The following PTPRD variants were observed in gnomAD, a reference collection of about 807,000 sequenced individuals.
PTPRD encodes the protein receptor-type tyrosine-protein phosphatase delta.
In PTPRD, 34 loss-of-function variants were observed where a neutral mutation model predicts 214.5. The observed-to-expected ratio is 0.16, with a 90% CI of 0.12 to 0.21. The LOEUF (loss-of-function observed/expected upper bound fraction) is 0.21, where lower values mean the gene tolerates loss of function less well. Ranked by LOEUF, PTPRD falls within the 10% of genes least tolerant of loss-of-function variation. PTPRD has a pLI of 1.00. For missense variants in PTPRD, 2,545 were observed against 2,398.7 expected, an observed-to-expected ratio of 1.06 and a Z score of -1.27; for synonymous variants, 1,128 against 845.7, an observed-to-expected ratio of 1.33 and a Z score of -5.79.
At chr9:10,225,013 T>C (rs906437186) in intron 3 of PTPRD, among the ~76,000 whole-genome samples, 16 of 152,142 alleles carry the variant, frequency 1.1e-4, no homozygotes, top group Non-Finnish European at 2.1e-4. Context: ...AGTTAAGCTT[T>C]TGGGGAGCCA....
intron 7 of PTPRD, among the ~76,000 whole-genome samples, chr9:9,710,451 T>G (rs572882430): frequency 1.0e-3 from 157 of 152,178 alleles, no homozygotes; most frequent in African/African-American, 3.5e-3. Context: ...ATTCAATTCA[T>G]GGTAAATATG....
chr9:8,483,429 T>A (rs2096929902), intron 30 of PTPRD, among the ~76,000 whole-genome samples: 1 of 152,190 alleles, frequency 6.6e-6, no homozygotes, highest in South Asian at 2.1e-4. Context: ...TAATCACCTA[T>A]TCACCTTATT....
At chr9:10,387,286 C>T (rs577631642) in intron 2 of PTPRD, among the ~76,000 whole-genome samples, 2 of 151,846 alleles carry the variant, frequency 1.3e-5, no homozygotes, top group Non-Finnish European at 2.9e-5. Flanking sequence ...ATGCCTGTGT[C>T]TTTTCAGTGA....
At chr9:8,547,127 A>T (rs1355994227) in intron 14 of PTPRD, among the ~76,000 whole-genome samples, 1 of 152,198 alleles carries the variant, frequency 6.6e-6, no homozygotes, top group Non-Finnish European at 1.5e-5. Flanking sequence ...TGTAGATACA[A>T]CCTTTTAAAA....
intron 4 of PTPRD, among the ~76,000 whole-genome samples, chr9:9,989,016 CA>C (rs397836899): frequency 6.8e-3 from 248 of 36,216 alleles, no homozygotes; most frequent in African/African-American, 0.017. Context: ...TTTCACTGAC[CA>C]AAAAAAAAAA....
intron 5 of PTPRD, among the ~76,000 whole-genome samples, chr9:9,816,081 T>C (rs1259258851): frequency 6.6e-6 from 1 of 152,176 alleles, no homozygotes; most frequent in East Asian, 1.9e-4. Flanking sequence ...CATTTTACAA[T>C]ATATTCACCT....
At chr9:9,861,413 C>G (rs2062750289) in intron 5 of PTPRD, among the ~76,000 whole-genome samples, 1 of 152,162 alleles carries the variant, frequency 6.6e-6, no homozygotes, top group South Asian at 2.1e-4. Flanking sequence ...GCCTCAGCCT[C>G]CCGAGTAGCT....
chr9:10,243,885 T>A (rs62539728), intron 3 of PTPRD, among the ~76,000 whole-genome samples: 82,609 of 151,574 alleles, frequency 0.55, 24,052 homozygotes, highest in East Asian at 0.73. Flanking sequence ...TTTTTTTCTG[T>A]CCAGAATCAG....
chr9:8,733,891 C>G lies in PTPRD; in HGVS notation c.-48G>C, dbSNP rs2154434957. ...CGCGAGCAGCTTGGAATCACTGCCT[C>G]CGGAGCCGCAGCGAGTCTGTCCGAT... On this transcript the variant is annotated 5_prime_UTR_variant, in exon 12 of 46. Coordinates refer to ENST00000381196, the MANE Select transcript of PTPRD (RefSeq NM_002839.4). The G allele has an allele frequency of 6.5e-7, 1 of 1,535,522 alleles. No individual in the cohort carries two copies. The highest frequency in any genetic ancestry group is 8.8e-7 in the Non-Finnish European group (1 of 1,136,552).
intron 14 of PTPRD, among the ~76,000 whole-genome samples, chr9:8,564,651 G>T (rs140439447): frequency 0.019 from 2,934 of 152,244 alleles, 94 homozygotes; most frequent in East Asian, 0.058. Context: ...AGTGAGCCAA[G>T]ATCGTGCCAC....
At chr9:9,190,808 T>C (rs2099934665) in intron 9 of PTPRD, among the ~76,000 whole-genome samples, 1 of 152,132 alleles carries the variant, frequency 6.6e-6, no homozygotes, top group Non-Finnish European at 1.5e-5. Flanking sequence ...TATGTTATTC[T>C]AAGTCACAAA....
At position 8,672,719 on chromosome 9, in the gene PTPRD, G is replaced by C. The variant is rs186057965; in HGVS notation, c.65-35875C>G. Reference sequence around the variant, plus strand: ...TGTCCCTGAAATAGTATTCCTTTCAGATGAACAGATAAAAATGGCAACTGA... The same window carrying C: ...TGTCCCTGAAATAGTATTCCTTTCACATGAACAGATAAAAATGGCAACTGA... On this transcript the variant is annotated intron_variant, in intron 12 of 45. Coordinates refer to ENST00000381196, the MANE Select transcript of PTPRD (RefSeq NM_002839.4). Among the ~76,000 whole-genome samples the C allele has an allele frequency of 4.5e-4, 69 of 152,118 alleles. 1 individual carries two copies. In the East Asian group the frequency reaches 0.013, roughly 28 times the overall value.
At chr9:9,388,760 G>A (rs2064789458) in intron 9 of PTPRD, among the ~76,000 whole-genome samples, 1 of 152,134 alleles carries the variant, frequency 6.6e-6, no homozygotes, top group Non-Finnish European at 1.5e-5. Flanking sequence ...AAAGTAAGTA[G>A]CATATGTATA....
chr9:9,460,317 GCAA>G (rs2093528012), intron 8 of PTPRD, among the ~76,000 whole-genome samples: 1 of 151,896 alleles, frequency 6.6e-6, no homozygotes, highest in Non-Finnish European at 1.5e-5. Context: ...AAAAGCAAAT[GCAA>G]CAACAATAAA....
rs565599149 is a variant in PTPRD at position 9,025,519 on chromosome 9, T to G, written c.-142-6784A>C. Among the ~76,000 whole-genome samples, 244 of 152,128 alleles carry G rather than the reference T, an allele frequency of 1.6e-3. 2 individuals are homozygous for G. The highest frequency in any genetic ancestry group is 5.6e-3 in the African/African-American group (232 of 41,542). ...AAAAGACTAGAAAACCCATGGAGCT[T>G]CAAAGATTGTAAACTAGCTAATATT... On this transcript the variant is annotated intron_variant, in intron 10 of 45. Coordinates refer to ENST00000381196, the MANE Select transcript of PTPRD (RefSeq NM_002839.4).
intron 4 of PTPRD, among the ~76,000 whole-genome samples, chr9:9,960,092 C>A (rs775403251): frequency 6.6e-6 from 1 of 151,736 alleles, no homozygotes; most frequent in East Asian, 1.9e-4. Context: ...CTTAAATAAA[C>A]GACTGACTCT....
At chr9:8,603,982 C>G (rs2095043643) in intron 14 of PTPRD, among the ~76,000 whole-genome samples, 1 of 152,192 alleles carries the variant, frequency 6.6e-6, no homozygotes, top group Non-Finnish European at 1.5e-5. Flanking sequence ...GTCCTGGAAA[C>G]ACAATATAGC....
intron 14 of PTPRD, among the ~76,000 whole-genome samples, chr9:8,608,420 G>T (rs1207823132): frequency 6.6e-6 from 1 of 152,116 alleles, no homozygotes; most frequent in Non-Finnish European, 1.5e-5. Context: ...ACTCTAGAAT[G>T]CCACTTAGCA....
chr9:9,445,991 G>A (rs2090268865), intron 8 of PTPRD, among the ~76,000 whole-genome samples: 1 of 152,104 alleles, frequency 6.6e-6, no homozygotes, highest in Non-Finnish European at 1.5e-5. Context: ...TTTCCATAAA[G>A]TTAATTCAAC....
Sources: allele counts gnomAD v4.1 joint callset (sites outside exome capture counted in the v4.1 genomes callset), GRCh38; gene constraint gnomAD v4.1.1; transcripts MANE v1.5; gene names NCBI Gene and HGNC (gene_info 2026-07-23, HGNC 2026-07-21).